COL4A6: variants seen among roughly 807,000 people sequenced by gnomAD.
COL4A6 encodes collagen alpha-6(IV) chain.
COL4A6 carries 59 observed loss-of-function variants against 126.7 expected under a neutral mutation model. The ratio of observed to expected loss-of-function variants is 0.47; its 90% CI spans 0.38 to 0.58. The LOEUF (loss-of-function observed/expected upper bound fraction) is 0.58. Ranked by LOEUF, COL4A6 falls within the 20% of genes least tolerant of loss-of-function variation. COL4A6 has a pLI of 0.00. For synonymous variants in COL4A6, 547 were observed against 496.6 expected, an observed-to-expected ratio of 1.10 and a Z score of -1.35; for missense variants, 1,285 against 1,337.3, an observed-to-expected ratio of 0.96 and a Z score of 0.61.
intron 3 of COL4A6, among the ~76,000 whole-genome samples, chrX:108,233,060 T>C (rs367948175): frequency 1.8e-5 from 2 of 112,219 alleles, no homozygotes; most frequent in East Asian, 5.6e-4. Flanking sequence ...ATTTCAGTTT[T>C]AAAATGATTA....
intron 2 of COL4A6, among the ~76,000 whole-genome samples, chrX:108,342,544 A>G (rs2039590645): frequency 8.9e-6 from 1 of 111,805 alleles, no homozygotes; most frequent in South Asian, 3.8e-4. Flanking sequence ...CTCCTAAGCT[A>G]ACACCCCTTT....
intron 3 of COL4A6, among the ~76,000 whole-genome samples, chrX:108,263,273 C>T (rs2037214337): frequency 9.0e-6 from 1 of 111,697 alleles, no homozygotes; most frequent in Non-Finnish European, 1.9e-5. Flanking sequence ...CCTACACATT[C>T]GAATCATCCA....
At chrX:108,187,440 G>T (rs1471258882) in intron 22 of COL4A6, among the ~76,000 whole-genome samples, 161 bp from the exon 23 acceptor site, 3 of 112,042 alleles carry the variant, frequency 2.7e-5, no homozygotes, top group Admixed American at 9.5e-5. Flanking sequence ...TCTGACTTTA[G>T]TTAGTGGATA....
intron 7 of COL4A6, among the ~76,000 whole-genome samples, chrX:108,211,279 C>T (rs958014401): frequency 4.5e-5 from 5 of 111,999 alleles, no homozygotes; most frequent in African/African-American, 1.6e-4. Context: ...GGATCTTTGG[C>T]TAAAGGCCAT....
intron 2 of COL4A6, among the ~76,000 whole-genome samples, chrX:108,371,848 A>T (rs766662711): frequency 2.1e-5 from 2 of 93,413 alleles, no homozygotes; most frequent in South Asian, 1.3e-3. Context: ...CAGAGGTCCA[A>T]TATGAAGGAA....
intron 42 of COL4A6, among the ~76,000 whole-genome samples, 180 bp from the exon 43 acceptor site, chrX:108,160,834 A>G (rs906750761): frequency 8.9e-6 from 1 of 112,427 alleles, no homozygotes; most frequent in African/African-American, 3.2e-5. Flanking sequence ...ATTGAGGCTC[A>G]GATGTCCTAC....
At chrX:108,379,287 T>C (rs56291905) in intron 2 of COL4A6, among the ~76,000 whole-genome samples, 27,965 of 109,248 alleles carry the variant, frequency 0.26, 3,015 homozygotes, top group East Asian at 0.58. Flanking sequence ...CCTCGCTCTG[T>C]TGCCCACACT....
chrX:108,405,975 C>CT (rs976083486), intron 2 of COL4A6, among the ~76,000 whole-genome samples: 1 of 110,932 alleles, frequency 9.0e-6, no homozygotes, highest in Non-Finnish European at 1.9e-5. Flanking sequence ...CTATTTATCT[C>CT]TTTTTTTGTG....
chrX:108,181,313 C>T (rs763808534), intron 23 of COL4A6, among the ~76,000 whole-genome samples: 1 of 112,501 alleles, frequency 8.9e-6, no homozygotes, highest in African/African-American at 3.2e-5. Context: ...TGCCTACTCA[C>T]CCTGCCCTCA....
intron 37 of COL4A6, 151 bp downstream of exon 37, chrX:108,169,344 T>C: frequency 1.4e-6 from 1 of 729,507 alleles, no homozygotes; most frequent in South Asian, 2.9e-5. Flanking sequence ...CCTCTCTTTC[T>C]CAGCAGTCAT....
intron 3 of COL4A6, among the ~76,000 whole-genome samples, chrX:108,309,319 G>A (rs189852308): frequency 1.8e-5 from 2 of 110,843 alleles, no homozygotes; most frequent in Admixed American, 1.9e-4. Flanking sequence ...AGCTGGTGAC[G>A]TAAATAGATG....
intron 2 of COL4A6, among the ~76,000 whole-genome samples, chrX:108,342,136 C>T (rs1475849695): frequency 8.9e-6 from 1 of 111,981 alleles, no homozygotes; most frequent in Non-Finnish European, 1.9e-5. Flanking sequence ...AAATCCCCAT[C>T]CTGAAGACGG....
At chrX:108,210,526 T>C (rs1427001352) in intron 7 of COL4A6, among the ~76,000 whole-genome samples, 4 of 112,529 alleles carry the variant, frequency 3.6e-5, no homozygotes, top group South Asian at 3.7e-4. Flanking sequence ...CTTGTGAAAA[T>C]TGTTGTGTTC....
chrX:108,360,190 T>C (rs1238896435), intron 2 of COL4A6, among the ~76,000 whole-genome samples: 3 of 112,414 alleles, frequency 2.7e-5, no homozygotes, highest in Admixed American at 9.5e-5. Flanking sequence ...TATCCAACTA[T>C]GAGTCTTCCT....
chrX:108,176,426 C>T (rs760708544), intron 28 of COL4A6, among the ~76,000 whole-genome samples: 24 of 110,022 alleles, frequency 2.2e-4, no homozygotes, highest in Admixed American at 6.7e-4. Flanking sequence ...TGAGCTTTAG[C>T]CTCGTTCTGC....
chrX:108,172,762 G>A (rs943715721), intron 31 of COL4A6, among the ~76,000 whole-genome samples: 1 of 111,969 alleles, frequency 8.9e-6, no homozygotes, highest in Non-Finnish European at 1.9e-5. Flanking sequence ...CGATTCCACT[G>A]CTTATCAAAA....
At chrX:108,205,316 G>T in intron 11 of COL4A6, 123 bp downstream of exon 11, 2 of 579,680 alleles carry the variant, frequency 3.5e-6, no homozygotes, top group South Asian at 2.6e-5. Context: ...TATGTGGGTT[G>T]GGAAATATTC....
intron 2 of COL4A6, among the ~76,000 whole-genome samples, chrX:108,412,834 G>T (rs2041358015): frequency 8.9e-6 from 1 of 112,115 alleles, no homozygotes; most frequent in Admixed American, 9.4e-5. Context: ...TCATATTCCA[G>T]CTAATTCAAC....
At chrX:108,436,794 CT>C (rs1377413867) in intron 2 of COL4A6, among the ~76,000 whole-genome samples, 2 of 111,828 alleles carry the variant, frequency 1.8e-5, no homozygotes, top group African/African-American at 6.5e-5. Flanking sequence ...AGAAAAATAG[CT>C]TCACTCTGGT....
Sources: gnomAD v4.1 joint callset for allele counts (sites outside exome capture counted in the v4.1 genomes callset) on GRCh38, gnomAD v4.1.1 for gene constraint, MANE v1.5 for transcripts, NCBI Gene and HGNC (gene_info 2026-07-23, HGNC 2026-07-21) for gene names.